The following THRB variants were observed in gnomAD, a reference collection of about 807,000 sequenced individuals.
The protein encoded by THRB is nuclear receptor subfamily 1 group A member 2.
Under a neutral mutation model 47.8 loss-of-function variants are expected in THRB, and 12 were observed. That is an observed-to-expected ratio of 0.25 (90% confidence interval 0.16 to 0.41). THRB has a LOEUF of 0.41. THRB is among the 10% of genes least tolerant of loss of function. The pLI is 1.00. For synonymous variants in THRB, 218 were observed against 212.2 expected (o/e 1.03, Z -0.24); for missense variants, 348 against 589.2 (o/e 0.59, Z 4.24).
chr3:24,245,521 C>CA (rs1196064002), intron 3 of THRB, among the ~76,000 whole-genome samples: 4 of 152,022 alleles, frequency 2.6e-5, no homozygotes, highest in Non-Finnish European at 5.9e-5. Context: ...GAAAGAATAA[C>CA]AAAAAAACCC....
intron 1 of THRB, among the ~76,000 whole-genome samples, chr3:24,345,825 G>T (rs2062976730): frequency 6.6e-6 from 1 of 151,944 alleles, no homozygotes; most frequent in Admixed American, 6.6e-5. Flanking sequence ...GTGTTGGATT[G>T]GTTCATTGTA....
At chr3:24,241,145 A>C (rs2049452349) in intron 3 of THRB, among the ~76,000 whole-genome samples, 1 of 152,150 alleles carries the variant, frequency 6.6e-6, no homozygotes, top group Non-Finnish European at 1.5e-5. Flanking sequence ...CCCATTGGGC[A>C]CTTTGATTTT....
At chr3:24,210,331 T>C (rs1185995408) in intron 4 of THRB, among the ~76,000 whole-genome samples, 2 of 152,092 alleles carry the variant, frequency 1.3e-5, no homozygotes, top group Non-Finnish European at 2.9e-5. Context: ...TGAAGATTAT[T>C]TGTTCGATCC....
In THRB at chr3:24,284,704, G is replaced by C. The variant is rs991804734; in HGVS notation, c.-43+12522C>G. On this transcript the variant is annotated intron_variant, in intron 3 of 10. Transcript: ENST00000646209. ...TCATCTGACAAAGGGCTAATATCCA[G>C]AATCTACAATGAACTCAAACAGATT... is the stretch of plus-strand genomic sequence containing the variant. Among the ~76,000 whole-genome samples the C allele has an allele frequency of 1.2e-4, 18 of 149,272 alleles. 2 individuals carry two copies. The highest frequency in any genetic ancestry group is 4.4e-4 in the African/African-American group (17 of 38,742).
At chr3:24,224,936 G>A (rs147346494) in intron 4 of THRB, among the ~76,000 whole-genome samples, 31 of 152,202 alleles carry the variant, frequency 2.0e-4, no homozygotes, top group African/African-American at 7.0e-4. Flanking sequence ...TAGCATATTC[G>A]CATCTCAGCC....
rs150256655 is a variant in THRB at position 24,134,498 on chromosome 3, C to T, written c.739-1036G>A. On this transcript the variant is annotated intron_variant, in intron 8 of 10. Transcript: ENST00000646209. ...AGTAGTCCTCATTCAAATCCTGATT[C>T]GCAGGTGAGCAAACTAGGGATCAGA... Among the ~76,000 whole-genome samples the T allele has an allele frequency of 6.7e-3, 1,025 of 152,242 alleles. 13 individuals are homozygous for T. The highest frequency in any genetic ancestry group is 0.024 in the African/African-American group (982 of 41,544).
chr3:24,265,411 G>C (rs535515653), intron 3 of THRB, among the ~76,000 whole-genome samples: 2 of 152,132 alleles, frequency 1.3e-5, no homozygotes, highest in Non-Finnish European at 2.9e-5. Flanking sequence ...GTAAAGAATT[G>C]ATCAGAAATC....
intron 1 of THRB, among the ~76,000 whole-genome samples, chr3:24,390,797 A>AAAAAAAATAT (rs5847290): frequency 5.1e-5 from 7 of 137,852 alleles, no homozygotes; most frequent in African/African-American, 1.9e-4. Context: ...AAAAAAAAAA[A>AAAAAAAATAT]ATATATATAT....
intron 4 of THRB, among the ~76,000 whole-genome samples, chr3:24,228,577 A>G: frequency 6.6e-6 from 1 of 150,902 alleles, no homozygotes; most frequent in East Asian, 1.9e-4. Context: ...GGGCTGCAGT[A>G]AACCGTGAGT....
rs182047031 is a variant in THRB, at chr3:24,479,099, C to A, written c.-261+15553G>T. Among the ~76,000 whole-genome samples, 571 of 152,168 alleles carry A rather than the reference C, an allele frequency of 3.8e-3. 3 individuals carry two copies. The highest frequency in any genetic ancestry group is 0.013 in the African/African-American group (523 of 41,520). On this transcript the variant is annotated intron_variant, in intron 1 of 10. Transcript: ENST00000646209. ...GGATCACGAGGTCAGGAGATCGAGA[C>A]CATCCTGGCTAACACGGTGAAACCC...
At chr3:24,357,346 CAAAAA>C (rs781709724) in intron 1 of THRB, among the ~76,000 whole-genome samples, 4 of 28,710 alleles carry the variant, frequency 1.4e-4, no homozygotes, top group African/African-American at 4.5e-4. Flanking sequence ...TTGTCTCTCC[CAAAAA>C]AAAAAAAAAA....
intron 3 of THRB, among the ~76,000 whole-genome samples, chr3:24,259,174 G>A (rs986075873): frequency 7.2e-5 from 11 of 152,146 alleles, no homozygotes; most frequent in African/African-American, 2.7e-4. Context: ...GGTGCTGCAA[G>A]GCAAGACTCT....
rs1429253957 is a variant in THRB, at chr3:24,337,870, TATG to T, written c.-260-502_-260-500del. 7.9e-5 allele frequency among the ~76,000 whole-genome samples: 12 copies of T among 152,236 alleles called. 1 individual carries two copies. In the East Asian group the frequency reaches 2.3e-3, roughly 29 times the overall value. On this transcript the variant is annotated intron_variant, in intron 1 of 10. Transcript: ENST00000646209. ...GGAAGCGATGGGTTCCTCATCAGGG[TATG>T]AATGTAAGCATGAAGCCATGGAGCT...
chr3:24,283,994 G>A lies in THRB; in HGVS notation c.-43+13232C>T, dbSNP rs1238062524. ...TAGGAAGAATCAATATCATGAAAAT[G>A]GCCATACTGCCCAAGGTAATTTACA... On this transcript the variant is annotated intron_variant, in intron 3 of 10. Coordinates refer to ENST00000646209, the MANE Select transcript of THRB (RefSeq NM_001354712.2). 1.8e-4 allele frequency among the ~76,000 whole-genome samples: 23 copies of A among 129,358 alleles called. No homozygotes were observed. The East Asian group carries it at 4.7e-3, about 27-fold the overall frequency. The allele number at this position is 129,358 out of a possible 152,430, so 84.9% of individuals were successfully genotyped here.
chr3:24,211,221 G>A (rs533464027), intron 4 of THRB, among the ~76,000 whole-genome samples: 130 of 151,756 alleles, frequency 8.6e-4, no homozygotes, highest in African/African-American at 3.0e-3. Context: ...AAAGATGGTG[G>A]GATTTATAAA....
intron 2 of THRB, among the ~76,000 whole-genome samples, chr3:24,299,478 G>C (rs1411787753): frequency 6.6e-6 from 1 of 151,912 alleles, no homozygotes; most frequent in African/African-American, 2.4e-5. Context: ...TAACTTATTT[G>C]TAAGTGTCCT....
At chr3:24,148,269 G>A (rs1387429065) in intron 6 of THRB, among the ~76,000 whole-genome samples, 2 of 152,158 alleles carry the variant, frequency 1.3e-5, no homozygotes, top group African/African-American at 2.4e-5. Context: ...TGGGATTACA[G>A]GCGTGTGCTA....
chr3:24,358,499 A>C (rs1315809597), intron 1 of THRB, among the ~76,000 whole-genome samples: 7 of 152,194 alleles, frequency 4.6e-5, no homozygotes, highest in African/African-American at 1.7e-4. Context: ...CAAATAGCCC[A>C]TTGACCCAAC....
chr3:24,402,766 T>C (rs982884550), intron 1 of THRB, among the ~76,000 whole-genome samples: 1 of 152,032 alleles, frequency 6.6e-6, no homozygotes, highest in Non-Finnish European at 1.5e-5. Flanking sequence ...ATGACCATTA[T>C]GGTCAACTCT....
Sources: gnomAD v4.1 joint callset for allele counts (sites outside exome capture counted in the v4.1 genomes callset) on GRCh38, gnomAD v4.1.1 for gene constraint, MANE v1.5 for transcripts, NCBI Gene and HGNC (gene_info 2026-07-23, HGNC 2026-07-21) for gene names.